Variants in ZBTB20 observed in about 807,000 individuals in gnomAD.
ZBTB20 encodes zinc finger and BTB domain containing 20.
A neutral mutation model predicts 56.9 loss-of-function variants in ZBTB20; 9 were observed. The ratio of observed to expected loss-of-function variants is 0.16; its 90% confidence interval spans 0.10 to 0.28. ZBTB20 has a LOEUF of 0.28. ZBTB20 is among the 10% of genes least tolerant of loss of function. The pLI is 1.00. For missense variants in ZBTB20, 655 were observed against 1,003.0 expected (o/e 0.65, Z 4.69); for synonymous variants, 417 against 420.7 (o/e 0.99, Z 0.11).
At chr3:114,551,888 C>T (rs558742438) in intron 6 of ZBTB20, among the ~76,000 whole-genome samples, 2 of 152,218 alleles carry the variant, frequency 1.3e-5, no homozygotes, top group East Asian at 3.9e-4. Flanking sequence ...ATTAAGAACA[C>T]TTTTATTTCT....
chr3:114,918,653 A>G (rs1193796109), intron 3 of ZBTB20, among the ~76,000 whole-genome samples: 2 of 152,150 alleles, frequency 1.3e-5, no homozygotes, highest in Non-Finnish European at 2.9e-5. Flanking sequence ...ATATCTAGAA[A>G]TGTTATCTGG....
At chr3:114,392,508 G>C (rs373446063) in intron 7 of ZBTB20, among the ~76,000 whole-genome samples, 62 of 152,210 alleles carry the variant, frequency 4.1e-4, no homozygotes, top group African/African-American at 1.3e-3. Flanking sequence ...CTCATGCTTT[G>C]GAAAAGCTGT....
intron 7 of ZBTB20, among the ~76,000 whole-genome samples, chr3:114,396,578 G>A (rs1423652937): frequency 6.6e-6 from 1 of 152,124 alleles, no homozygotes; most frequent in Non-Finnish European, 1.5e-5. Flanking sequence ...AGTCATGAAG[G>A]CAGAGGGTAG....
chr3:114,429,400 G>A (rs1218462366), intron 7 of ZBTB20, among the ~76,000 whole-genome samples: 2 of 152,082 alleles, frequency 1.3e-5, no homozygotes, highest in African/African-American at 4.8e-5. Context: ...AATGTTTCTG[G>A]TACCCCACAT....
At chr3:114,439,666 A>G (rs1342777430) in intron 7 of ZBTB20, among the ~76,000 whole-genome samples, 1 of 152,188 alleles carries the variant, frequency 6.6e-6, no homozygotes, top group Non-Finnish European at 1.5e-5. Context: ...TAGGGACTTT[A>G]TATATACTTA....
chr3:115,100,893 T>C lies in ZBTB20; in HGVS notation c.-702-29479A>G, dbSNP rs184629589. Among the ~76,000 whole-genome samples, 72 of 152,332 alleles carry C rather than the reference T, an allele frequency of 4.7e-4. 1 individual carries two copies. In the East Asian group the frequency reaches 9.8e-3, roughly 21 times the overall value. ...GAGGCTCTGTAAGAAACAGACTCCA[T>C]ACAATAGGAAAACTGATCTCAGACA... On this transcript the variant is annotated intron_variant, in intron 1 of 11. Transcript: ENST00000675478.
At chr3:114,797,520 T>C in intron 5 of ZBTB20, among the ~76,000 whole-genome samples, 1 of 151,998 alleles carries the variant, frequency 6.6e-6, no homozygotes, top group East Asian at 1.9e-4. Context: ...CTATTCCATA[T>C]AATGTTTTGT....
In ZBTB20 at chr3:114,842,609, C is replaced by T. The variant is rs190561358; in HGVS notation, c.-416-41435G>A. Among the ~76,000 whole-genome samples the T allele has an allele frequency of 1.3e-3, 204 of 152,018 alleles. 1 individual carries two copies. The highest frequency in any genetic ancestry group is 4.3e-3 in the African/African-American group (177 of 41,458). On this transcript the variant is annotated intron_variant, in intron 4 of 11. Coordinates refer to ENST00000675478, the MANE Select transcript of ZBTB20 (RefSeq NM_001348800.3). Reference sequence around the variant, plus strand: ...CAGGAGACACCAAGGGCATACCTAACCTACACTGAAGAGGTTAAGGAACAC... The same window carrying T: ...CAGGAGACACCAAGGGCATACCTAATCTACACTGAAGAGGTTAAGGAACAC...
At chr3:114,635,475 T>G (rs1242834096) in intron 6 of ZBTB20, among the ~76,000 whole-genome samples, 1 of 151,982 alleles carries the variant, frequency 6.6e-6, no homozygotes, top group African/African-American at 2.4e-5. Context: ...CTGAATTAAC[T>G]GACAAAGAAT....
intron 6 of ZBTB20, among the ~76,000 whole-genome samples, chr3:114,575,599 A>T (rs936130937): frequency 8.5e-5 from 13 of 152,136 alleles, no homozygotes; most frequent in African/African-American, 1.7e-4. Context: ...AATAAAAAAA[A>T]AAAAAATAGG....
At chr3:114,811,809 G>A (rs1187561885) in intron 4 of ZBTB20, among the ~76,000 whole-genome samples, 1 of 124,762 alleles carries the variant, frequency 8.0e-6, no homozygotes, top group Admixed American at 8.4e-5. Flanking sequence ...AAAGATGTAA[G>A]TCTGAGGATG....
At chr3:114,669,128 T>C (rs1578247226) in intron 6 of ZBTB20, among the ~76,000 whole-genome samples, 1 of 151,994 alleles carries the variant, frequency 6.6e-6, no homozygotes, top group South Asian at 2.1e-4. Flanking sequence ...ATTTTGATAA[T>C]CCAAACTGAG....
At chr3:114,520,267 A>C (rs2046481847) in intron 6 of ZBTB20, 1 of 152,176 alleles carries the variant, frequency 6.6e-6, no homozygotes, top group Non-Finnish European at 1.5e-5. Flanking sequence ...TGTACCCCCC[A>C]CACAAAAATC....
chr3:114,380,344 C>T lies in ZBTB20; in HGVS notation c.72G>A (p.Pro24=), dbSNP rs577655760. The change falls in exon 10 of 12, where the codon CCG becomes CCA. Residue 24 remains proline, a synonymous_variant. Coordinates refer to ENST00000675478, the MANE Select transcript of ZBTB20 (RefSeq NM_001348800.3). ...KASEENEITQ[P]GGSSAKPGLP... is the part of the protein sequence containing the mutation. ...GGCCCGGCTTGGCGCTGGATCCACC[C>T]GGCTGAGTAATCTCATTCTCCTCAG... 8 of 1,537,166 alleles carry T rather than the reference C, an allele frequency of 5.2e-6. No homozygotes were observed. Among genetic ancestry groups the T allele is most frequent in the South Asian group, 4.8e-5 (4 of 84,054 alleles).
chr3:114,356,018 T>C (rs2081214272), intron 10 of ZBTB20: 1 of 152,230 alleles, frequency 6.6e-6, no homozygotes, highest in Non-Finnish European at 1.5e-5. Context: ...TAGTTCTCTG[T>C]GTTTTAAAAT....
At chr3:114,668,170 C>T (rs760711405) in intron 6 of ZBTB20, among the ~76,000 whole-genome samples, 13 of 151,848 alleles carry the variant, frequency 8.6e-5, no homozygotes, top group Non-Finnish European at 1.6e-4. Context: ...AAATCCAGCC[C>T]GTCAGTTTCC....
At chr3:114,961,206 T>C (rs1010075122) in intron 3 of ZBTB20, among the ~76,000 whole-genome samples, 1 of 147,342 alleles carries the variant, frequency 6.8e-6, no homozygotes, top group Admixed American at 6.8e-5. Context: ...CCATACTCGT[T>C]TTTTTTTTTT....
chr3:114,856,687 G>A (rs1373904191), intron 4 of ZBTB20, among the ~76,000 whole-genome samples: 3 of 152,080 alleles, frequency 2.0e-5, no homozygotes, highest in African/African-American at 4.8e-5. Flanking sequence ...TTTATCACAG[G>A]AATGTAATTT....
chr3:114,737,306 C>T (rs1387254292), intron 5 of ZBTB20, among the ~76,000 whole-genome samples: 1 of 151,982 alleles, frequency 6.6e-6, no homozygotes, highest in Non-Finnish European at 1.5e-5. Flanking sequence ...TAACTTTTTG[C>T]CTTTTTTTTC....
Sources: allele counts gnomAD v4.1 joint callset (sites outside exome capture counted in the v4.1 genomes callset), GRCh38; gene constraint gnomAD v4.1.1; transcripts MANE v1.5; gene names NCBI Gene and HGNC (gene_info 2026-07-23, HGNC 2026-07-21).